DNAH2: variants seen among roughly 807,000 people sequenced by gnomAD.
The protein encoded by DNAH2 is dynein axonemal heavy chain 2, also known as axonemal beta dynein heavy chain 2.
In DNAH2, 323 loss-of-function variants were observed where a neutral mutation model predicts 523.5. The observed-to-expected ratio is 0.62, with a 90% CI of 0.56 to 0.68. The LOEUF (loss-of-function observed/expected upper bound fraction) is 0.68. DNAH2 is among the 30% of genes least tolerant of loss of function. The pLI is 0.00. For missense variants in DNAH2, 4,907 were observed against 5,701.5 expected (o/e 0.86, Z 4.49); for synonymous variants, 2,093 against 2,177.4 (o/e 0.96, Z 1.08).
At chr17:7,732,764 C>T (rs965919547) in intron 4 of DNAH2, among the ~76,000 whole-genome samples, 1 of 152,158 alleles carries the variant, frequency 6.6e-6, no homozygotes, top group African/African-American at 2.4e-5. Flanking sequence ...TCCATTCCAT[C>T]CTTTCTTTCT....
chr17:7,749,550 C>T (rs1597524402), intron 12 of DNAH2, among the ~76,000 whole-genome samples: 1 of 151,972 alleles, frequency 6.6e-6, no homozygotes, highest in Admixed American at 6.6e-5. Context: ...CCAATCTCCC[C>T]ATATCATTAT....
At chr17:7,773,739 T>C (rs973457122) in intron 28 of DNAH2, among the ~76,000 whole-genome samples, 8 of 152,156 alleles carry the variant, frequency 5.3e-5, no homozygotes, top group Non-Finnish European at 1.0e-4. Context: ...TTTTCTTCTT[T>C]TTTTTTTTGA....
chr17:7,801,888 A>G lies in DNAH2; in HGVS notation c.8843A>G (p.Lys2948Arg), dbSNP rs754595288. 1.9e-5 allele frequency: 30 copies of G among 1,614,090 alleles called. No individual in the cohort carries two copies. Among genetic ancestry groups the G allele is most frequent in the Admixed American group, 5.0e-5 (3 of 59,990 alleles). The change falls in exon 58 of 86, where the codon AAG becomes AGG. Residue 2948 changes from lysine to arginine, a missense_variant. By Grantham distance (26) the Lys-to-Arg change is conservative. This residue lies in a region of DNAH2 where 1,851 missense variants were observed against 2,139.4 expected (regional missense o/e 0.87). Coordinates refer to ENST00000572933, the MANE Select transcript of DNAH2 (RefSeq NM_020877.5). ...DLGTQENIHR[K>R]VAQIFVTMHW... ...TGTCACTGGCCTCAGATCCACAGGA[A>G]GGTGGCCCAGATCTTTGTCACTATG... is the stretch of plus-strand genomic sequence containing the variant.
chr17:7,793,789 C>T (rs1207375814), intron 48 of DNAH2, among the ~76,000 whole-genome samples: 2 of 151,942 alleles, frequency 1.3e-5, no homozygotes, highest in Admixed American at 6.6e-5. Context: ...GCGGCCATCG[C>T]GGCCTGGCTC....
chr17:7,781,681 C>T (rs969872200), intron 39 of DNAH2, among the ~76,000 whole-genome samples: 4 of 152,206 alleles, frequency 2.6e-5, no homozygotes, highest in Non-Finnish European at 5.9e-5. Context: ...CCACAACTCC[C>T]TCCTCCGCTG....
rs779819717 is a variant in DNAH2, at chr17:7,818,308, G to A, written c.10388-4G>A. On this transcript the variant is annotated splice_polypyrimidine_tract_variant and splice_region_variant and intron_variant, in intron 68 of 85. Coordinates refer to ENST00000572933, the MANE Select transcript of DNAH2 (RefSeq NM_020877.5). ...CCTTGCCCCTGACCCTTCCGTGGATGCAGGTGGTCGGCTGTTGATGCGCAT... is the reference window on the plus strand; with the variant it reads ...CCTTGCCCCTGACCCTTCCGTGGATACAGGTGGTCGGCTGTTGATGCGCAT... 5.0e-5 allele frequency: 80 copies of A among 1,613,844 alleles called. 2 individuals are homozygous for A. In the South Asian group the frequency reaches 8.5e-4, roughly 17 times the overall value.
At chr17:7,796,698 G>A (rs777321239) in intron 50 of DNAH2, 46 bp downstream of exon 50, 46 of 1,574,432 alleles carry the variant, frequency 2.9e-5, no homozygotes, top group Middle Eastern at 2.2e-4. Flanking sequence ...CCCAGCCTCC[G>A]CGGAGGCTTT....
intron 77 of DNAH2, among the ~76,000 whole-genome samples, chr17:7,829,117 C>T (rs2078099465): frequency 1.3e-5 from 2 of 151,972 alleles, no homozygotes; most frequent in African/African-American, 4.8e-5. Context: ...TGGGTTCAAG[C>T]GATTCTTCTG....
rs1597758286 is a variant in DNAH2, at chr17:7,817,873, T to C, written c.10236+17T>C. On this transcript the variant is annotated intron_variant, in intron 67 of 85. Coordinates refer to ENST00000572933, the MANE Select transcript of DNAH2 (RefSeq NM_020877.5). ...GGAGGCCAGGTGTGAGGCTGGGGGG[T>C]CAGGTTAGCCCCCCCCTTCCTGAGG... The C allele has an allele frequency of 6.2e-7, 1 of 1,609,744 alleles. No individual in the cohort carries two copies. The highest frequency in any genetic ancestry group is 8.5e-7 in the Non-Finnish European group (1 of 1,178,598).
At position 7,739,720 on chromosome 17, in the gene DNAH2, T is replaced by C; in HGVS notation, c.1171-13T>C. ...AAGGAAAGCAGGAACCCTCATGCTGTCTTCTTTTTTAGGTATGTGACTGTC... is the reference window on the plus strand; with the variant it reads ...AAGGAAAGCAGGAACCCTCATGCTGCCTTCTTTTTTAGGTATGTGACTGTC... On this transcript the variant is annotated splice_polypyrimidine_tract_variant and intron_variant, in intron 8 of 85. Transcript: ENST00000572933. The C allele has an allele frequency of 2.5e-6, 4 of 1,610,458 alleles. No individual in the cohort carries two copies. Among genetic ancestry groups the C allele is most frequent in the Non-Finnish European group, 3.4e-6 (4 of 1,179,752 alleles).
intron 39 of DNAH2, among the ~76,000 whole-genome samples, chr17:7,785,622 G>T (rs2076713179): frequency 6.6e-6 from 1 of 152,094 alleles, no homozygotes; most frequent in Non-Finnish European, 1.5e-5. Context: ...CTATTCTGGG[G>T]CCCATCTGTT....
rs2074497460 is a variant in DNAH2, at chr17:7,718,676, C to G, written c.-138C>G. On this transcript the variant is annotated 5_prime_UTR_variant, in exon 1 of 86. It introduces an in-frame stop codon into an upstream open reading frame of the 5' UTR. Coordinates refer to ENST00000572933, the MANE Select transcript of DNAH2 (RefSeq NM_020877.5). ...AATCTGTTCTCAGGGCATTTTGAGTCAAATAAATGATCCTGACTGATCTTA... is the reference window on the plus strand; with the variant it reads ...AATCTGTTCTCAGGGCATTTTGAGTGAAATAAATGATCCTGACTGATCTTA... The G allele has an allele frequency of 6.6e-6, 1 of 152,640 alleles. No individual in the cohort carries two copies. Among genetic ancestry groups the G allele is most frequent in the African/African-American group, 2.4e-5 (1 of 41,402 alleles). The allele number at this position is 152,640 out of a possible 1,614,324, so 9.5% of individuals were successfully genotyped here.
rs774633727 is a variant in DNAH2, at chr17:7,794,279, G to GC, written c.7601dup (p.Gly2535TrpfsTer44). On this transcript the variant is annotated frameshift_variant, in exon 49 of 86. Transcript: ENST00000572933. LOFTEE classifies it high-confidence loss of function. ...GAAATGTTCCTGATGGCTGCCATGGGCCCCCCTGGGGGTGGACGGACTGTC... is the reference window on the plus strand; with the variant it reads ...GAAATGTTCCTGATGGCTGCCATGGGCCCCCCCTGGGGGTGGACGGACTGTC... 1 of 1,608,388 alleles carries GC rather than the reference G, an allele frequency of 6.2e-7. No individual in the cohort carries two copies. The highest frequency in any genetic ancestry group is 8.5e-7 in the Non-Finnish European group (1 of 1,177,546).
chr17:7,810,519 G>T (rs1012766969), intron 63 of DNAH2, among the ~76,000 whole-genome samples: 1 of 152,142 alleles, frequency 6.6e-6, no homozygotes, highest in Non-Finnish European at 1.5e-5. Context: ...CTCCCGAGTA[G>T]CTGGGATTAC....
At chr17:7,752,626 C>T (rs1416326795) in intron 12 of DNAH2, among the ~76,000 whole-genome samples, 2 of 152,020 alleles carry the variant, frequency 1.3e-5, no homozygotes, top group African/African-American at 4.8e-5. Flanking sequence ...AGGAGAATGG[C>T]GTGAACCTGG....
chr17:7,740,314 C>T (rs2151151466), intron 9 of DNAH2, 106 bp from the exon 10 acceptor site: 1 of 1,528,724 alleles, frequency 6.5e-7, no homozygotes, highest in East Asian at 2.3e-5. Context: ...GTGCCTGGCA[C>T]ACAGGAAGCC....
At position 7,758,520 on chromosome 17, in the gene DNAH2, G is replaced by A. The variant is rs777100697; in HGVS notation, c.2077G>A (p.Glu693Lys). The change falls in exon 14 of 86, where the codon GAG (glutamate) becomes AAG (lysine). Residue 693 changes from glutamate to lysine, a missense_variant. Glu to Lys is a moderately conservative substitution (Grantham distance 56, BLOSUM62 1). Coordinates refer to ENST00000572933, the MANE Select transcript of DNAH2 (RefSeq NM_020877.5). ...GATTATTGCCATGCTGTCCCCAGATGAGCAGGCCCTATTCAAAGAGCGTAT... is the reference window on the plus strand; with the variant it reads ...GATTATTGCCATGCTGTCCCCAGATAAGCAGGCCCTATTCAAAGAGCGTAT... The part of the protein sequence containing the change: ...NRIIAMLSPD[E>K]QALFKERIRL... 17 of 1,613,958 alleles carry A rather than the reference G, an allele frequency of 1.1e-5. No homozygotes were observed. The African/African-American group carries it at 1.1e-4, about 10-fold the overall frequency.
chr17:7,765,604 GT>G lies in DNAH2; in HGVS notation c.3511+42del, dbSNP rs535533835. On this transcript the variant is annotated intron_variant, in intron 21 of 85. Coordinates refer to ENST00000572933, the MANE Select transcript of DNAH2 (RefSeq NM_020877.5). ...CACCTCTCCCGCTTCTTTAGCCTTT[GT>G]TTAGAGACCCCGCCTTCCAAGCCCA... is the stretch of plus-strand genomic sequence containing the variant. 3.2e-4 allele frequency: 505 copies of G among 1,579,078 alleles called. 3 individuals are homozygous for G. The South Asian group carries it at 5.7e-3, about 18-fold the overall frequency.
intron 63 of DNAH2, among the ~76,000 whole-genome samples, chr17:7,813,210 C>T (rs1199551537): frequency 1.3e-5 from 2 of 151,830 alleles, no homozygotes; most frequent in Non-Finnish European, 2.9e-5. Context: ...AGTGTGAAGA[C>T]GTGCTTATGC....
Sources: gnomAD v4.1 joint callset for allele counts (sites outside exome capture counted in the v4.1 genomes callset) on GRCh38, gnomAD v4.1.1 for gene constraint, gnomAD v4.1.1 regional missense constraint, MANE v1.5 for transcripts, NCBI Gene and HGNC (gene_info 2026-07-23, HGNC 2026-07-21) for gene names.